ADCY2: variants seen among roughly 807,000 people sequenced by gnomAD.
The protein encoded by ADCY2 is adenylate cyclase type 2.
ADCY2 carries 31 observed loss-of-function variants against 125.2 expected under a neutral mutation model. That is an observed-to-expected ratio of 0.25 (90% confidence interval 0.19 to 0.33). ADCY2 has a LOEUF of 0.33. Ranked by LOEUF, ADCY2 falls within the 10% of genes least tolerant of loss-of-function variation. The pLI, the probability that ADCY2 is intolerant of heterozygous loss-of-function variation, is 1.00. For synonymous variants in ADCY2, 512 were observed against 548.4 expected (o/e 0.93, Z 0.93); for missense variants, 904 against 1,418.2 (o/e 0.64, Z 5.82).
intron 16 of ADCY2, among the ~76,000 whole-genome samples, chr5:7,760,526 A>G (rs1307203723): frequency 6.6e-6 from 1 of 152,212 alleles, no homozygotes; most frequent in Non-Finnish European, 1.5e-5. Flanking sequence ...AATTGAGCAC[A>G]CTTCCTGAGA....
intron 4 of ADCY2, among the ~76,000 whole-genome samples, chr5:7,626,643 G>A (rs984659348): frequency 2.0e-5 from 3 of 152,252 alleles, no homozygotes; most frequent in East Asian, 3.9e-4. Flanking sequence ...ATCACTTAGC[G>A]AGAGAGGAAG....
chr5:7,703,172 T>C (rs1285257597), intron 7 of ADCY2, among the ~76,000 whole-genome samples: 1 of 152,240 alleles, frequency 6.6e-6, no homozygotes, highest in East Asian at 1.9e-4. Context: ...TCTCCCATTC[T>C]GTAGGTTGCC....
At chr5:7,490,201 G>A (rs2126487051) in intron 2 of ADCY2, among the ~76,000 whole-genome samples, 1 of 152,040 alleles carries the variant, frequency 6.6e-6, no homozygotes, top group East Asian at 1.9e-4. Context: ...ATTACAACTA[G>A]TAGGTGTTGT....
At chr5:7,728,693 G>A (rs965709834) in intron 14 of ADCY2, among the ~76,000 whole-genome samples, 6 of 152,072 alleles carry the variant, frequency 3.9e-5, no homozygotes, top group Admixed American at 6.6e-5. Context: ...TATTACCCAG[G>A]GAATGGGTCC....
intron 2 of ADCY2, among the ~76,000 whole-genome samples, chr5:7,426,776 C>A (rs1740403531): frequency 6.6e-6 from 1 of 152,126 alleles, no homozygotes; most frequent in Non-Finnish European, 1.5e-5. Flanking sequence ...GCTGCCAGCA[C>A]TGGCTTCCAC....
chr5:7,479,300 G>A (rs1742637227), intron 2 of ADCY2, among the ~76,000 whole-genome samples: 2 of 150,218 alleles, frequency 1.3e-5, no homozygotes, highest in African/African-American at 5.0e-5. Context: ...TATGATTCAG[G>A]TGCTGGGATC....
At chr5:7,796,793 C>T (rs1230115860) in intron 20 of ADCY2, 1 of 152,242 alleles carries the variant, frequency 6.6e-6, no homozygotes, top group Admixed American at 6.5e-5. Flanking sequence ...TTCTCCCCAC[C>T]TCTGTGTGTG....
At chr5:7,730,207 T>C (rs937088342) in intron 14 of ADCY2, among the ~76,000 whole-genome samples, 1 of 152,238 alleles carries the variant, frequency 6.6e-6, no homozygotes, top group African/African-American at 2.4e-5. Context: ...CTGCAAAAGA[T>C]ATTATTTCTT....
At chr5:7,603,423 C>T (rs1737279726) in intron 3 of ADCY2, among the ~76,000 whole-genome samples, 1 of 152,194 alleles carries the variant, frequency 6.6e-6, no homozygotes. Flanking sequence ...CCTCGAATGC[C>T]AGAATTGTTA....
chr5:7,486,373 C>T (rs1350229825), intron 2 of ADCY2, among the ~76,000 whole-genome samples: 2 of 152,192 alleles, frequency 1.3e-5, no homozygotes, highest in Non-Finnish European at 2.9e-5. Flanking sequence ...AGTCTTCTGG[C>T]ACATCCCTGA....
At chr5:7,531,062 G>C (rs544834874) in intron 3 of ADCY2, among the ~76,000 whole-genome samples, 2 of 152,282 alleles carry the variant, frequency 1.3e-5, no homozygotes, top group African/African-American at 4.8e-5. Flanking sequence ...TTCTGCTAAT[G>C]CCTGAGGGTC....
rs551530000 is a variant in ADCY2 at position 7,435,433 on chromosome 5, A to G, written c.408+20663A>G. 7.9e-5 allele frequency among the ~76,000 whole-genome samples: 12 copies of G among 152,306 alleles called. No homozygotes were observed. In the South Asian group the frequency reaches 2.5e-3, roughly 32 times the overall value. On this transcript the variant is annotated intron_variant, in intron 2 of 24. Transcript: ENST00000338316. ...CCTATCCTTTTCATCATACGACATA[A>G]TCAGAATTTCCAGCAGAAATGCCCA... is the stretch of plus-strand genomic sequence containing the variant.
rs775853444 is a variant in ADCY2 at position 7,698,258 on chromosome 5, C to T, written c.993C>T (p.Cys331=). The part of the protein sequence containing the change: ...KFDQIAKENE[C]MRIKILGDCY... ...ATTTATTCTTCCAGGAGAATGAATG[C>T]ATGAGAATTAAAATTTTAGGAGACT... The change falls in exon 7 of 25, where the codon TGC becomes TGT. Residue 331 remains cysteine, a synonymous_variant. Transcript: ENST00000338316. The T allele has an allele frequency of 6.8e-6, 11 of 1,613,936 alleles. No individual in the cohort carries two copies. In the South Asian group the frequency reaches 1.1e-4, roughly 16 times the overall value.
chr5:7,405,203 A>G (rs1353689610), intron 1 of ADCY2, among the ~76,000 whole-genome samples: 1 of 152,080 alleles, frequency 6.6e-6, no homozygotes, highest in Non-Finnish European at 1.5e-5. Context: ...CTGCTATGTT[A>G]CCTTACATAG....
At chr5:7,662,667 T>A (rs1278199584) in intron 4 of ADCY2, among the ~76,000 whole-genome samples, 1 of 152,242 alleles carries the variant, frequency 6.6e-6, no homozygotes, top group Non-Finnish European at 1.5e-5. Context: ...CTTATTCTCT[T>A]ACCCCCAAAG....
At chr5:7,421,759 C>T (rs955205730) in intron 2 of ADCY2, among the ~76,000 whole-genome samples, 1 of 152,190 alleles carries the variant, frequency 6.6e-6, no homozygotes, top group Non-Finnish European at 1.5e-5. Flanking sequence ...TGTTGACTTT[C>T]CCTTAACCTT....
intron 3 of ADCY2, among the ~76,000 whole-genome samples, chr5:7,602,039 C>G (rs780180236): frequency 6.6e-6 from 1 of 152,152 alleles, no homozygotes; most frequent in African/African-American, 2.4e-5. Flanking sequence ...TCACTGCAAC[C>G]TCTGTCTGTA....
At chr5:7,573,632 G>T (rs192955755) in intron 3 of ADCY2, among the ~76,000 whole-genome samples, 1,567 of 114,580 alleles carry the variant, frequency 0.014, 32 homozygotes, top group African/African-American at 0.047. Context: ...AAAAAAAGCT[G>T]CAGGCTTTAT....
chr5:7,646,847 T>G (rs1374309026), intron 4 of ADCY2, among the ~76,000 whole-genome samples: 1 of 152,094 alleles, frequency 6.6e-6, no homozygotes, highest in Non-Finnish European at 1.5e-5. Flanking sequence ...GGGTGGAGAA[T>G]TACCGGGTTT....
Sources: allele counts gnomAD v4.1 joint callset (sites outside exome capture counted in the v4.1 genomes callset), GRCh38; gene constraint gnomAD v4.1.1; transcripts MANE v1.5; gene names NCBI Gene and HGNC (gene_info 2026-07-23, HGNC 2026-07-21).